Variants in KRCC1 observed in about 807,000 individuals in gnomAD.
The protein encoded by KRCC1 is lysine-rich coiled-coil protein 1.
A neutral mutation model predicts 7.4 loss-of-function variants in KRCC1; 3 were observed. That is an observed-to-expected ratio of 0.40 (90% CI 0.18 to 1.04). KRCC1 has a LOEUF of 1.04. Among genes scored for constraint, KRCC1 ranks in the 50% least tolerant of loss-of-function variants. KRCC1 has a pLI of 0.33. For missense variants in KRCC1, 277 were observed against 300.9 expected (o/e 0.92, Z 0.59); for synonymous variants, 102 against 101.6 (o/e 1.00, Z -0.02).
At position 88,028,377 on chromosome 2, in the gene KRCC1, G is replaced by C. The variant is rs780087825; in HGVS notation, c.187C>G (p.Leu63Val). 2 of 1,614,096 alleles carry C rather than the reference G, an allele frequency of 1.2e-6. No homozygotes were observed. Among genetic ancestry groups the C allele is most frequent in the East Asian group, 4.5e-5 (2 of 44,866 alleles). ...TAGGTCTGGATGGTTTCAGATGGGA[G>C]TCTCTGGTCAAACATTCTATACGTG... is the stretch of plus-strand genomic sequence containing the variant. ...RPTYRMFDQR[L>V]PSETIQTYPR... The change falls in exon 4 of 4, where the codon CTC becomes GTC. Residue 63 changes from leucine to valine, a missense_variant. By Grantham distance (32) the Leu-to-Val change is conservative. Coordinates refer to ENST00000347055, the MANE Select transcript of KRCC1 (RefSeq NM_016618.3).
At chr2:88,034,943 A>AC (rs1553451372) in intron 2 of KRCC1, among the ~76,000 whole-genome samples, 2 of 151,454 alleles carry the variant, frequency 1.3e-5, no homozygotes, top group Non-Finnish European at 2.9e-5. Flanking sequence ...TTTTTGAGCA[A>AC]TTTTTTTTTA....
intron 1 of KRCC1, among the ~76,000 whole-genome samples, chr2:88,054,601 T>A (rs1277459411): frequency 6.6e-6 from 1 of 152,132 alleles, no homozygotes; most frequent in East Asian, 1.9e-4. Context: ...TTTACAATGA[T>A]CAGCACTTTG....
chr2:88,032,489 G>T (rs546752906), intron 3 of KRCC1, among the ~76,000 whole-genome samples: 1 of 152,266 alleles, frequency 6.6e-6, no homozygotes, highest in Admixed American at 6.5e-5. Context: ...TGGGTGTGTA[G>T]TAAGTTATAC....
chr2:88,054,768 C>A (rs1312606513), intron 1 of KRCC1, among the ~76,000 whole-genome samples: 1 of 152,206 alleles, frequency 6.6e-6, no homozygotes, highest in East Asian at 1.9e-4. Context: ...TTTTTCAACG[C>A]TTTAACGTCC....
chr2:88,029,042 A>T (rs1158490767), intron 3 of KRCC1, among the ~76,000 whole-genome samples: 1 of 152,182 alleles, frequency 6.6e-6, no homozygotes, highest in Non-Finnish European at 1.5e-5. Flanking sequence ...TTGACATTAT[A>T]TGCCAAAGGG....
chr2:88,047,883 T>A (rs1673377076), intron 1 of KRCC1, among the ~76,000 whole-genome samples: 1 of 152,016 alleles, frequency 6.6e-6, no homozygotes, highest in African/African-American at 2.4e-5. Flanking sequence ...GAGGAAAAAA[T>A]TTTATGAGCA....
chr2:88,032,288 T>C (rs1673009682), intron 3 of KRCC1, among the ~76,000 whole-genome samples: 1 of 152,148 alleles, frequency 6.6e-6, no homozygotes. Context: ...AGCTCCTCCA[T>C]TCATGCTAAA....
At chr2:88,039,741 A>G (rs1455802059) in intron 1 of KRCC1, among the ~76,000 whole-genome samples, 3 of 151,970 alleles carry the variant, frequency 2.0e-5, no homozygotes, top group Non-Finnish European at 1.5e-5. Context: ...TTGTTTTAAA[A>G]TAAAGGACTT....
rs1185171791 is a variant in KRCC1 at position 88,036,977 on chromosome 2, A to G, written c.-216T>C. On this transcript the variant is annotated 5_prime_UTR_variant, in exon 2 of 4. Coordinates refer to ENST00000347055, the MANE Select transcript of KRCC1 (RefSeq NM_016618.3). The stretch of plus-strand genomic sequence containing the variant: ...CAAAATCCTTTGTTATTTGAACTGT[A>G]ACACTACTCCACAGACATCTTTTAT... The G allele has an allele frequency of 1.3e-5, 2 of 152,208 alleles. No homozygotes were observed. 9.4% of individuals were successfully genotyped at this position (152,208 alleles called of 1,614,324 possible).
chr2:88,044,863 ATTTTTTT>A (rs11302450), intron 1 of KRCC1, among the ~76,000 whole-genome samples: 4 of 105,886 alleles, frequency 3.8e-5, no homozygotes, highest in South Asian at 3.3e-4. Context: ...GAGTTTGATA[ATTTTTTT>A]TTTTTTTTTT....
rs569979585 is a variant in KRCC1, at chr2:88,037,157, C to G, written c.-290-106G>C. The G allele has an allele frequency of 2.0e-5, 3 of 152,236 alleles. No homozygotes were observed. The South Asian group carries it at 6.2e-4, about 32-fold the overall frequency. 9.4% of individuals were successfully genotyped at this position (152,236 alleles called of 1,614,324 possible). On this transcript the variant is annotated intron_variant, in intron 1 of 3. Coordinates refer to ENST00000347055, the MANE Select transcript of KRCC1 (RefSeq NM_016618.3). Reference sequence around the variant, plus strand: ...ATATACCATCTCAAATCTTAATTTTCTGAGTGCTTGCAAGGCTAGAGTAAT... The same window carrying G: ...ATATACCATCTCAAATCTTAATTTTGTGAGTGCTTGCAAGGCTAGAGTAAT...
intron 1 of KRCC1, among the ~76,000 whole-genome samples, chr2:88,050,674 AGTTTT>A (rs143660014): frequency 0.06 from 9,129 of 152,226 alleles, 304 homozygotes; most frequent in Middle Eastern, 0.1. Context: ...TTTTTGTTGT[AGTTTT>A]GTTTTTACTA....
chr2:88,033,475 A>G (rs11884581), intron 3 of KRCC1, among the ~76,000 whole-genome samples: 137,419 of 151,912 alleles, frequency 0.9, 62,524 homozygotes, highest in East Asian at 1. Context: ...GCAGTGAGCC[A>G]AGATTGCACC....
chr2:88,027,385 A>T lies in KRCC1; in HGVS notation c.*399T>A. 6.2e-6 allele frequency: 1 copy of T among 160,672 alleles called. No homozygotes were observed. The allele number at this position is 160,672 out of a possible 1,614,324, so 10.0% of individuals were successfully genotyped here. On this transcript the variant is annotated 3_prime_UTR_variant, in exon 4 of 4. Transcript: ENST00000347055. ...ATAAAGGAGAAAAAAATTGCTTCAC[A>T]GAGAAAAACCAATGAACATAAAATA...
chr2:88,040,556 CAT>C (rs1673188424), intron 1 of KRCC1, among the ~76,000 whole-genome samples: 1 of 152,116 alleles, frequency 6.6e-6, no homozygotes, highest in Admixed American at 6.6e-5. Context: ...AAGAATTTCT[CAT>C]AAAGATTAGG....
Position 88,048,883 on chromosome 2 carries a change from T to C in KRCC1, c.-291+6743A>G, listed in dbSNP as rs115656309. Among the ~76,000 whole-genome samples the C allele has an allele frequency of 5.5e-3, 836 of 152,354 alleles. 6 individuals are homozygous for C. Among genetic ancestry groups the C allele is most frequent in the African/African-American group, 0.019 (803 of 41,566 alleles). On this transcript the variant is annotated intron_variant, in intron 1 of 3. Coordinates refer to ENST00000347055, the MANE Select transcript of KRCC1 (RefSeq NM_016618.3). ...ATCTTTGCCAAAACATGTTGTTTGA[T>C]TCCTTTTTTCCCCAGAGGTCAAATC...
chr2:88,038,499 T>C (rs11691470), intron 1 of KRCC1, among the ~76,000 whole-genome samples: 1 of 152,206 alleles, frequency 6.6e-6, no homozygotes, highest in Non-Finnish European at 1.5e-5. Context: ...TGTGAGGTGA[T>C]CTTGTGAATC....
At chr2:88,051,276 C>T (rs997461574) in intron 1 of KRCC1, among the ~76,000 whole-genome samples, 1 of 152,152 alleles carries the variant, frequency 6.6e-6, no homozygotes, top group African/African-American at 2.4e-5. Flanking sequence ...CAGACCAATA[C>T]AGAGGAGTTC....
intron 1 of KRCC1, among the ~76,000 whole-genome samples, chr2:88,038,606 A>G (rs560898610): frequency 6.6e-6 from 1 of 152,364 alleles, no homozygotes; most frequent in Non-Finnish European, 1.5e-5. Context: ...TTACAAAGAC[A>G]TAACAAAGAC....
Sources: gnomAD v4.1 joint callset for allele counts (sites outside exome capture counted in the v4.1 genomes callset) on GRCh38, gnomAD v4.1.1 for gene constraint, MANE v1.5 for transcripts, NCBI Gene and HGNC (gene_info 2026-07-23, HGNC 2026-07-21) for gene names.